Variants in TYR observed in about 807,000 individuals in gnomAD.
TYR encodes LB24-AB.
TYR carries 58 observed loss-of-function variants against 51.5 expected under a neutral mutation model. That is an observed-to-expected ratio of 1.13 (90% confidence interval 0.91 to 1.40). The LOEUF (loss-of-function observed/expected upper bound fraction) is 1.40, where lower values mean the gene tolerates loss of function less well. TYR is among the 40% of genes most tolerant of loss of function. The probability of loss-of-function intolerance (pLI) is 0.00; values close to 1 mark genes in which losing one functional copy is unlikely to be tolerated. For synonymous variants in TYR, 263 were observed against 235.2 expected (o/e 1.12, Z -1.08); for missense variants, 732 against 647.4 (o/e 1.13, Z -1.42).
At chr11:89,200,970 A>C (rs1300504879) in intron 2 of TYR, among the ~76,000 whole-genome samples, 1 of 152,162 alleles carries the variant, frequency 6.6e-6, no homozygotes, top group Non-Finnish European at 1.5e-5. Context: ...TCTGTCTAGC[A>C]TCATGAATGA....
At chr11:89,259,026 C>CT (rs1322693161) in intron 3 of TYR, among the ~76,000 whole-genome samples, 2 of 151,996 alleles carry the variant, frequency 1.3e-5, no homozygotes, top group Non-Finnish European at 2.9e-5. Context: ...CAGTGGGTGT[C>CT]TTTTTTTAAT....
chr11:89,204,351 T>C (rs1943641978), intron 2 of TYR, among the ~76,000 whole-genome samples: 1 of 152,076 alleles, frequency 6.6e-6, no homozygotes, highest in Non-Finnish European at 1.5e-5. Context: ...TAATGCAGTG[T>C]TTCCCTTCTG....
At chr11:89,259,852 A>G (rs1944436747) in intron 3 of TYR, among the ~76,000 whole-genome samples, 2 of 152,096 alleles carry the variant, frequency 1.3e-5, no homozygotes, top group Non-Finnish European at 2.9e-5. Flanking sequence ...TACTGAATCT[A>G]TCTTAATTTT....
chr11:89,233,448 A>T (rs1176190410), intron 3 of TYR, among the ~76,000 whole-genome samples: 1 of 138,812 alleles, frequency 7.2e-6, no homozygotes, highest in Admixed American at 7.3e-5. Context: ...CCTTCCATGA[A>T]TCAGAAATGT....
chr11:89,207,702 T>C (rs1206888918), intron 2 of TYR, among the ~76,000 whole-genome samples: 2 of 152,148 alleles, frequency 1.3e-5, no homozygotes. Flanking sequence ...ATGTAAAAAT[T>C]CTTAAAATAT....
At chr11:89,200,968 G>A (rs1943590562) in intron 2 of TYR, among the ~76,000 whole-genome samples, 1 of 152,022 alleles carries the variant, frequency 6.6e-6, no homozygotes, top group African/African-American at 2.4e-5. Flanking sequence ...GATCTGTCTA[G>A]CATCATGAAT....
At chr11:89,224,935 T>TA (rs1375019746) in intron 2 of TYR, among the ~76,000 whole-genome samples, 1 of 152,042 alleles carries the variant, frequency 6.6e-6, no homozygotes, top group Non-Finnish European at 1.5e-5. Flanking sequence ...AACTATTTTT[T>TA]TTTTTGCTGG....
At chr11:89,253,190 G>A (rs555708327) in intron 3 of TYR, among the ~76,000 whole-genome samples, 38 of 151,684 alleles carry the variant, frequency 2.5e-4, no homozygotes, top group Non-Finnish European at 4.9e-4. Flanking sequence ...AGTTAAGTCA[G>A]TACCTATTGC....
chr11:89,277,974 A>G (rs528391234), intron 3 of TYR, among the ~76,000 whole-genome samples: 4 of 151,394 alleles, frequency 2.6e-5, no homozygotes, highest in Non-Finnish European at 4.4e-5. Context: ...AAAAACACAA[A>G]TCTCCCTAAC....
intron 2 of TYR, among the ~76,000 whole-genome samples, chr11:89,209,213 G>A (rs1943716753): frequency 6.6e-6 from 1 of 152,192 alleles, no homozygotes; most frequent in African/African-American, 2.4e-5. Flanking sequence ...GACTGTACCT[G>A]GAGGAACAGT....
At chr11:89,278,166 A>G (rs1944678522) in intron 3 of TYR, among the ~76,000 whole-genome samples, 1 of 151,594 alleles carries the variant, frequency 6.6e-6, no homozygotes, top group African/African-American at 2.4e-5. Flanking sequence ...TTCTTCTACC[A>G]TTTCTCTAAA....
At chr11:89,257,518 C>T (rs1297175759) in intron 3 of TYR, among the ~76,000 whole-genome samples, 2 of 151,774 alleles carry the variant, frequency 1.3e-5, no homozygotes, top group Non-Finnish European at 2.9e-5. Context: ...ACATTCTGTA[C>T]TCTAAAGAGG....
At chr11:89,221,129 T>G (rs1943906773) in intron 2 of TYR, among the ~76,000 whole-genome samples, 1 of 152,234 alleles carries the variant, frequency 6.6e-6, no homozygotes, top group South Asian at 2.1e-4. Context: ...TAGAACTGGT[T>G]AACACACACG....
At chr11:89,235,731 G>C (rs893147111) in intron 3 of TYR, among the ~76,000 whole-genome samples, 3 of 152,212 alleles carry the variant, frequency 2.0e-5, no homozygotes, top group Admixed American at 6.6e-5. Context: ...CAAAGTTTTA[G>C]TTAGACATGA....
intron 2 of TYR, among the ~76,000 whole-genome samples, chr11:89,224,194 T>C (rs939375292): frequency 6.6e-6 from 1 of 152,124 alleles, no homozygotes; most frequent in African/African-American, 2.4e-5. Context: ...TGCACCATAT[T>C]CTTGGTTAGC....
chr11:89,271,387 A>C (rs1944586990), intron 3 of TYR, among the ~76,000 whole-genome samples: 3 of 151,928 alleles, frequency 2.0e-5, no homozygotes, highest in African/African-American at 7.2e-5. Context: ...TGCATATAAA[A>C]AGTTATATTT....
At chr11:89,246,515 C>T (rs2135295812) in intron 3 of TYR, among the ~76,000 whole-genome samples, 1 of 152,306 alleles carries the variant, frequency 6.6e-6, no homozygotes, top group Middle Eastern at 3.4e-3. Context: ...GGCATCACCT[C>T]ACTGATTCTC....
intron 3 of TYR, among the ~76,000 whole-genome samples, chr11:89,277,367 A>G (rs1724234393): frequency 6.6e-6 from 1 of 151,768 alleles, no homozygotes; most frequent in Non-Finnish European, 1.5e-5. Context: ...GTTCTCAAAG[A>G]GAGTGTGATT....
At chr11:89,266,535 A>G (rs1368131448) in intron 3 of TYR, among the ~76,000 whole-genome samples, 1 of 151,962 alleles carries the variant, frequency 6.6e-6, no homozygotes, top group Admixed American at 6.6e-5. Context: ...AACAACAACA[A>G]CAACAAAATC....
Sources: gnomAD v4.1 joint callset for allele counts (sites outside exome capture counted in the v4.1 genomes callset) on GRCh38, gnomAD v4.1.1 for gene constraint, MANE v1.5 for transcripts, NCBI Gene and HGNC (gene_info 2026-07-23, HGNC 2026-07-21) for gene names.